Variants in KIF21A observed in about 807,000 individuals in gnomAD.
The protein encoded by KIF21A is kinesin family member 21A.
Under a neutral mutation model 202.9 loss-of-function variants are expected in KIF21A, and 114 were observed. The ratio of observed to expected loss-of-function variants is 0.56; its 90% CI spans 0.48 to 0.66. The LOEUF is 0.66. Among genes scored for constraint, KIF21A ranks in the 30% least tolerant of loss-of-function variants. The pLI is 0.00. For synonymous variants in KIF21A, 667 were observed against 670.8 expected (o/e 0.99, Z 0.09); for missense variants, 1,677 against 1,994.9 (o/e 0.84, Z 3.04).
intron 6 of KIF21A, among the ~76,000 whole-genome samples, chr12:39,365,860 A>C (rs547215370): frequency 6.6e-6 from 1 of 152,134 alleles, no homozygotes; most frequent in East Asian, 1.9e-4. Flanking sequence ...AAATACAAAA[A>C]TTATCTGGGT....
intron 26 of KIF21A, among the ~76,000 whole-genome samples, chr12:39,323,325 AAAAAG>A (rs907000311): frequency 1.3e-5 from 2 of 150,556 alleles, no homozygotes; most frequent in Non-Finnish European, 3.0e-5. Context: ...ATAATTAAAA[AAAAAG>A]AAAAGAAAAA....
chr12:39,346,518 A>G lies in KIF21A; in HGVS notation c.1674-14T>C. 6.7e-7 allele frequency: 1 copy of G among 1,483,696 alleles called. No homozygotes were observed. The highest frequency in any genetic ancestry group is 8.9e-7 in the Non-Finnish European group (1 of 1,119,950). The allele number at this position is 1,483,696 out of a possible 1,614,324, so 91.9% of individuals were successfully genotyped here. A position where few individuals can be genotyped will look rare whatever the true frequency, so the allele number is the denominator to read the frequency against. Reference sequence around the variant, plus strand: ...AGTTTCTGTAGCCTTCAAAATCACGAGGCACAGTATTGGAAGGCCAAGCCA... The same window carrying G: ...AGTTTCTGTAGCCTTCAAAATCACGGGGCACAGTATTGGAAGGCCAAGCCA... On this transcript the variant is annotated splice_polypyrimidine_tract_variant and intron_variant, in intron 11 of 37. Transcript: ENST00000361418.
At chr12:39,318,897 T>C (rs969082890) in intron 28 of KIF21A, among the ~76,000 whole-genome samples, 94 of 151,306 alleles carry the variant, frequency 6.2e-4, no homozygotes, top group Non-Finnish European at 1.2e-3. Context: ...AGGAGAATGG[T>C]GTGAACCCGG....
chr12:39,317,158 T>TGA (rs1220183329), intron 29 of KIF21A, among the ~76,000 whole-genome samples: 1 of 152,190 alleles, frequency 6.6e-6, no homozygotes, highest in African/African-American at 2.4e-5. Flanking sequence ...TAAAATCTAA[T>TGA]GAAGGATCCA....
intron 6 of KIF21A, among the ~76,000 whole-genome samples, chr12:39,364,209 C>T (rs1949446547): frequency 1.3e-5 from 2 of 152,058 alleles, no homozygotes; most frequent in African/African-American, 4.8e-5. Flanking sequence ...CATCTATAAC[C>T]ATGACTTTGT....
intron 31 of KIF21A, among the ~76,000 whole-genome samples, chr12:39,314,646 A>G (rs763889155): frequency 1.3e-5 from 2 of 151,872 alleles, no homozygotes; most frequent in African/African-American, 2.4e-5. Context: ...CAGATGTAAT[A>G]CTGTGTCTCC....
intron 11 of KIF21A, among the ~76,000 whole-genome samples, chr12:39,351,118 G>C (rs938774929): frequency 1.3e-5 from 2 of 152,026 alleles, no homozygotes; most frequent in Non-Finnish European, 2.9e-5. Context: ...ATTACAAGTG[G>C]TTAAATTTTC....
At position 39,342,095 on chromosome 12, in the gene KIF21A, G is replaced by C; in HGVS notation, c.1742C>G (p.Thr581Ser). Residue 581 changes from threonine (T) to serine (S), a missense_variant, in exon 13 of 38, where the codon ACT becomes AGT. Transcript: ENST00000361418. ...CTTTTCTTCTTTCTTCTCTTGGTCA[G>C]TGTCTGTATTATCCTCTTTACCAGC... ...SVAGKEDNTD[T>S]DQEKKEEKGV... The C allele has an allele frequency of 2.5e-6, 4 of 1,611,240 alleles. No individual in the cohort carries two copies. In the South Asian group the frequency reaches 3.3e-5, roughly 13 times the overall value.
intron 1 of KIF21A, among the ~76,000 whole-genome samples, chr12:39,376,285 T>C (rs73268304): frequency 0.017 from 2,567 of 152,276 alleles, 62 homozygotes; most frequent in African/African-American, 0.05. Flanking sequence ...TAAAAAGTCA[T>C]AATCCCAAAA....
intron 1 of KIF21A, among the ~76,000 whole-genome samples, chr12:39,419,946 A>G (rs1954105357): frequency 6.6e-6 from 1 of 152,052 alleles, no homozygotes; most frequent in Admixed American, 6.6e-5. Context: ...CCCATCTCAG[A>G]GTGTCCACCC....
At chr12:39,428,326 T>G (rs1954920210) in intron 1 of KIF21A, among the ~76,000 whole-genome samples, 1 of 152,226 alleles carries the variant, frequency 6.6e-6, no homozygotes, top group African/African-American at 2.4e-5. Context: ...AAGGTTTGTC[T>G]TAAAAAGTGA....
At chr12:39,383,810 T>C (rs924221884) in intron 1 of KIF21A, among the ~76,000 whole-genome samples, 5 of 151,902 alleles carry the variant, frequency 3.3e-5, no homozygotes, top group African/African-American at 9.7e-5. Flanking sequence ...AAATAAAAAA[T>C]AAATAACTGT....
At chr12:39,432,467 C>T (rs1187365562) in intron 1 of KIF21A, among the ~76,000 whole-genome samples, 1 of 151,988 alleles carries the variant, frequency 6.6e-6, no homozygotes, top group Non-Finnish European at 1.5e-5. Flanking sequence ...GAAATTAATG[C>T]CCTTACTAAA....
intron 1 of KIF21A, among the ~76,000 whole-genome samples, chr12:39,386,697 G>C (rs1452889791): frequency 6.6e-6 from 1 of 152,146 alleles, no homozygotes; most frequent in Admixed American, 6.6e-5. Context: ...AATAACCTCA[G>C]CCTAAATAAA....
At chr12:39,341,831 C>T (rs985562483) in intron 13 of KIF21A, among the ~76,000 whole-genome samples, 2 of 152,158 alleles carry the variant, frequency 1.3e-5, no homozygotes, top group Non-Finnish European at 1.5e-5. Context: ...GACTCCCCAA[C>T]ACAATGCTTT....
chr12:39,330,171 CACAATTAGTGTACATGA>C (rs1946386861), intron 24 of KIF21A, 54 bp downstream of exon 24: 1 of 1,394,550 alleles, frequency 7.2e-7, no homozygotes, highest in African/African-American at 1.4e-5. Flanking sequence ...TAAGATGTAC[CACAATTAGTGTACATGA>C]ACAATTAGTA....
intron 1 of KIF21A, among the ~76,000 whole-genome samples, chr12:39,415,226 A>T (rs1392366600): frequency 7.0e-6 from 1 of 142,502 alleles, no homozygotes; most frequent in Non-Finnish European, 1.5e-5. Context: ...TCTGGTAGAG[A>T]ATGCTTTTTT....
intron 24 of KIF21A, among the ~76,000 whole-genome samples, chr12:39,326,740 A>G (rs979119601): frequency 3.3e-5 from 5 of 152,246 alleles, no homozygotes; most frequent in African/African-American, 1.2e-4. Flanking sequence ...TAAAGTGTAA[A>G]TATAGTTGTT....
intron 16 of KIF21A, 59 bp downstream of exon 16, chr12:39,340,105 TG>T: frequency 7.6e-7 from 1 of 1,315,776 alleles, no homozygotes; most frequent in East Asian, 2.3e-5. Context: ...GTTTATTTTT[TG>T]TCCCAAATGA....
Sources: allele counts gnomAD v4.1 joint callset (sites outside exome capture counted in the v4.1 genomes callset), GRCh38; gene constraint gnomAD v4.1.1; transcripts MANE v1.5; gene names NCBI Gene and HGNC (gene_info 2026-07-23, HGNC 2026-07-21).